Variants in DYNC1H1 observed in about 807,000 individuals in gnomAD.
DYNC1H1 encodes the protein cytoplasmic dynein 1 heavy chain 1.
A neutral mutation model predicts 527.1 loss-of-function variants in DYNC1H1; 51 were observed. The observed-to-expected ratio is 0.10, with a 90% confidence interval of 0.08 to 0.12. The LOEUF (loss-of-function observed/expected upper bound fraction) is 0.12, where lower values mean the gene tolerates loss of function less well. Among genes scored for constraint, DYNC1H1 ranks in the 10% least tolerant of loss-of-function variants. The probability of loss-of-function intolerance (pLI) is 1.00; values close to 1 mark genes in which losing one functional copy is unlikely to be tolerated. For synonymous variants in DYNC1H1, 2,189 were observed against 2,278.8 expected (o/e 0.96, Z 1.12); for missense variants, 2,771 against 5,971.8 (o/e 0.46, Z 17.66).
rs998715175 is a variant in DYNC1H1 at position 101,985,151 on chromosome 14, TC to T, written c.1462-534del. On this transcript the variant is annotated intron_variant, in intron 7 of 77. Transcript: ENST00000360184. The surrounding 1 kb of genome is among the most constrained non-coding windows in gnomAD (Gnocchi z 5.9). ...AGAGCCAGACTTCCTGGGTTTTAAA[TC>T]CTAATTCCATCGTTTACTAGCTCTG... Among the ~76,000 whole-genome samples the T allele has an allele frequency of 2.0e-5, 3 of 152,064 alleles. No homozygotes were observed. Among genetic ancestry groups the T allele is most frequent in the African/African-American group, 4.8e-5 (2 of 41,414 alleles).
At position 102,042,316 on chromosome 14, in the gene DYNC1H1, A is replaced by G. The variant is rs1375943886; in HGVS notation, c.12275+28A>G. The G allele has an allele frequency of 1.2e-6, 2 of 1,614,166 alleles. No individual in the cohort carries two copies. Among genetic ancestry groups the G allele is most frequent in the Non-Finnish European group, 1.7e-6 (2 of 1,180,018 alleles). On this transcript the variant is annotated intron_variant, in intron 67 of 77. Transcript: ENST00000360184. This position sits in a 1 kb window ranked among gnomAD's most constrained non-coding sequence, Gnocchi z 5.7. ...AGGCCTGTTCTCTTTGGCTGAAGAA[A>G]GCCTTAGTCCCCAGGCATTCAGGCA...
chr14:102,033,745 G>C lies in DYNC1H1; in HGVS notation c.10414-231G>C, dbSNP rs2048537345. On this transcript the variant is annotated intron_variant, in intron 54 of 77. Transcript: ENST00000360184. This position sits in a 1 kb window ranked among gnomAD's most constrained non-coding sequence, Gnocchi z 5.6. ...CAGCTCCAGACCTGTTTGCTCTGCT[G>C]CCTGAGGGCCTCGCTCCGTACCCAG... 1 of 678,636 alleles carries C rather than the reference G, an allele frequency of 1.5e-6. No individual in the cohort carries two copies. The highest frequency in any genetic ancestry group is 2.5e-6 in the Non-Finnish European group (1 of 396,908). The allele number at this position is 678,636 out of a possible 1,614,324, so 42.0% of individuals were successfully genotyped here. A position where few individuals can be genotyped will look rare whatever the true frequency, so the allele number is the denominator to read the frequency against.
intron 23 of DYNC1H1, 132 bp downstream of exon 23, chr14:102,003,097 A>G (rs910346971): frequency 6.7e-6 from 8 of 1,198,762 alleles, no homozygotes; most frequent in Admixed American, 2.0e-5. Context: ...CCAATAATAC[A>G]TATAATGATT....
rs1014240654 is a variant in DYNC1H1, at chr14:102,047,637, GTGTGTATATATA to G, written c.13007-178_13007-167del. On this transcript the variant is annotated intron_variant, in intron 72 of 77. Coordinates refer to ENST00000360184, the MANE Select transcript of DYNC1H1 (RefSeq NM_001376.5). ...TATATACACGTGTGTGTGTGTGTGT[GTGTGTATATATA>G]TATATATATATATATGTACACACGG... 45 of 394,272 alleles carry G rather than the reference GTGTGTATATATA, an allele frequency of 1.1e-4. 1 individual carries two copies. The African/African-American group carries it at 1.5e-3, about 13-fold the overall frequency. 24.4% of individuals were successfully genotyped at this position (394,272 alleles called of 1,614,324 possible).
chr14:102,043,237 T>TTG (rs2048674067), intron 69 of DYNC1H1: 1 of 239,520 alleles, frequency 4.2e-6, no homozygotes. Context: ...TGAGCTGAGA[T>TTG]CACATCACTG....
rs751574217 is a variant in DYNC1H1, at chr14:102,005,032, T to C, written c.5239-10T>C. ...ATGATCCTTTGGGATCTTGTTTCTGTGTCTTTCAGGCCCAGCTTGTGGTTT... is the reference window on the plus strand; with the variant it reads ...ATGATCCTTTGGGATCTTGTTTCTGCGTCTTTCAGGCCCAGCTTGTGGTTT... On this transcript the variant is annotated splice_polypyrimidine_tract_variant and intron_variant, in intron 25 of 77. Coordinates refer to ENST00000360184, the MANE Select transcript of DYNC1H1 (RefSeq NM_001376.5). The surrounding 1 kb of genome is among the most constrained non-coding windows in gnomAD (Gnocchi z 4.0). 5.6e-6 allele frequency: 9 copies of C among 1,614,246 alleles called. No individual in the cohort carries two copies. In the East Asian group the frequency reaches 1.8e-4, roughly 32 times the overall value.
At position 102,041,672 on chromosome 14, in the gene DYNC1H1, G is replaced by C. The variant is rs780863505; in HGVS notation, c.12040G>C (p.Gly4014Arg). ...CCACATGTTTGTTTCAACAAACCTT[G>C]GGGAGTCTTTCATGTCCATCATGGA... ...MAHMFVSTNLGESFMSIMEQP... is the reference protein window; with the variant it reads ...MAHMFVSTNLRESFMSIMEQP... The change falls in exon 65 of 78, where the codon GGG becomes CGG. Residue 4014 changes from glycine to arginine, a missense_variant. Transcript: ENST00000360184. This position sits in a 1 kb window ranked among gnomAD's most constrained non-coding sequence, Gnocchi z 4.5. The C allele has an allele frequency of 2.5e-6, 4 of 1,614,046 alleles. No individual in the cohort carries two copies. The highest frequency in any genetic ancestry group is 1.7e-5 in the Admixed American group (1 of 60,012).
Position 101,980,705 on chromosome 14 carries a change from T to TC in DYNC1H1, c.961+157dup, listed in dbSNP as rs575061349. Among the ~76,000 whole-genome samples, 33 of 152,338 alleles carry TC rather than the reference T, an allele frequency of 2.2e-4. No homozygotes were observed. In the East Asian group the frequency reaches 6.2e-3, roughly 28 times the overall value. On this transcript the variant is annotated intron_variant, in intron 5 of 77. Coordinates refer to ENST00000360184, the MANE Select transcript of DYNC1H1 (RefSeq NM_001376.5). Reference sequence around the variant, plus strand: ...CATCACATCTTATCTTTCCCTCAGTTCCAAGTAATGAAAATTATTCTCCTA... The same window carrying TC: ...CATCACATCTTATCTTTCCCTCAGTTCCCAAGTAATGAAAATTATTCTCCTA...
intron 10 of DYNC1H1, among the ~76,000 whole-genome samples, chr14:101,990,623 C>T (rs2047985735): frequency 6.6e-6 from 1 of 152,126 alleles, no homozygotes; most frequent in Non-Finnish European, 1.5e-5. Flanking sequence ...CCCTGTAATC[C>T]CAGCACTTTG....
chr14:102,029,982 C>CA lies in DYNC1H1; in HGVS notation c.9762+45dup. On this transcript the variant is annotated intron_variant, in intron 50 of 77. Coordinates refer to ENST00000360184, the MANE Select transcript of DYNC1H1 (RefSeq NM_001376.5). This position sits in a 1 kb window ranked among gnomAD's most constrained non-coding sequence, Gnocchi z 5.3. Reference sequence around the variant, plus strand: ...CTGGCCTGTAAGGACTGAGCATTTTCAGTCTCCAATGAGAGAGTAGGAAAT... The same window carrying CA: ...CTGGCCTGTAAGGACTGAGCATTTTCAAGTCTCCAATGAGAGAGTAGGAAAT... 1 of 1,613,742 alleles carries CA rather than the reference C, an allele frequency of 6.2e-7. No individual in the cohort carries two copies. The highest frequency in any genetic ancestry group is 8.5e-7 in the Non-Finnish European group (1 of 1,179,984).
In DYNC1H1 at chr14:101,979,663, G is replaced by C. The variant is rs1016481549; in HGVS notation, c.519-56G>C. ...CTATTTGACAGACCTGAAATGATGG[G>C]ATCTCTTTGGAGACCAATAGCACAC... On this transcript the variant is annotated intron_variant, in intron 3 of 77. Coordinates refer to ENST00000360184, the MANE Select transcript of DYNC1H1 (RefSeq NM_001376.5). The surrounding 1 kb of genome is among the most constrained non-coding windows in gnomAD (Gnocchi z 4.6). The C allele has an allele frequency of 6.2e-7, 1 of 1,612,244 alleles. No individual in the cohort carries two copies. Among genetic ancestry groups the C allele is most frequent in the Non-Finnish European group, 8.5e-7 (1 of 1,179,780 alleles).
At position 102,042,099 on chromosome 14, in the gene DYNC1H1, C is replaced by T. The variant is rs1247191267; in HGVS notation, c.12189C>T (p.Asn4063=). Residue 4063 remains asparagine, a synonymous_variant, in exon 66 of 78, where the codon AAC becomes AAT. Coordinates refer to ENST00000360184, the MANE Select transcript of DYNC1H1 (RefSeq NM_001376.5). The surrounding 1 kb of genome is among the most constrained non-coding windows in gnomAD (Gnocchi z 5.7). The stretch of plus-strand genomic sequence containing the variant: ...TCGAGGACCTTGCAGCCGAGCAGAA[C>T]ACGCAGATCACTTCAATTGCAATCG... ...GHVEDLAAEQ[N]TQITSIAIGS... is the part of the protein sequence containing the mutation. 4.3e-6 allele frequency: 7 copies of T among 1,614,008 alleles called. No homozygotes were observed. In the South Asian group the frequency reaches 5.5e-5, roughly 13 times the overall value.
At chr14:102,014,680 G>A (rs536032023) in intron 34 of DYNC1H1, among the ~76,000 whole-genome samples, 1 of 152,204 alleles carries the variant, frequency 6.6e-6, no homozygotes, top group Non-Finnish European at 1.5e-5. Flanking sequence ...CTCAAGAACA[G>A]TGGGAAACCT....
Position 102,039,627 on chromosome 14 carries a change from T to A in DYNC1H1, c.11596-11T>A. 1 of 1,614,122 alleles carries A rather than the reference T, an allele frequency of 6.2e-7. No homozygotes were observed. The highest frequency in any genetic ancestry group is 1.1e-5 in the South Asian group (1 of 91,084). ...CTTATGGAACAACATCGTCTCCTGC[T>A]CTTGTCCCAGGTGGCGTTTAACCGA... On this transcript the variant is annotated splice_polypyrimidine_tract_variant and intron_variant, in intron 61 of 77. Transcript: ENST00000360184. This position sits in a 1 kb window ranked among gnomAD's most constrained non-coding sequence, Gnocchi z 7.0.
chr14:102,053,141 CTTT>C lies in DYNC1H1; in HGVS notation c.*2593_*2595del, dbSNP rs34327327. 2 of 134,870 alleles carry C rather than the reference CTTT, an allele frequency of 1.5e-5. No individual in the cohort carries two copies. The highest frequency in any genetic ancestry group is 1.6e-5 in the Non-Finnish European group (1 of 63,588). The allele number at this position is 134,870 out of a possible 1,614,324, so 8.4% of individuals were successfully genotyped here. On this transcript the variant is annotated 3_prime_UTR_variant, in exon 78 of 78. Transcript: ENST00000360184. ...CTGCCTTGCAAATGAATTTTTCTTTCTTTTTTTTTTTTTTTTTGAGACGGAATC... is the reference window on the plus strand; with the variant it reads ...CTGCCTTGCAAATGAATTTTTCTTTCTTTTTTTTTTTTTTGAGACGGAATC...
At chr14:102,047,639 G>GATATATA (rs1555412506) in intron 72 of DYNC1H1, 178 bp from the exon 73 acceptor site, 1 of 346,204 alleles carries the variant, frequency 2.9e-6, no homozygotes, top group Non-Finnish European at 4.8e-6. Flanking sequence ...GTGTGTGTGT[G>GATATATA]TGTATATATA....
chr14:102,044,571 T>C lies in DYNC1H1; in HGVS notation c.12903-24T>C. ...CACTCAGAGGTGACCCCTGACATCA[T>C]TTCCAAATGCACTGGTTTTCTAGGC... On this transcript the variant is annotated intron_variant, in intron 71 of 77. Transcript: ENST00000360184. The surrounding 1 kb of genome is among the most constrained non-coding windows in gnomAD (Gnocchi z 7.1). 1 of 1,614,172 alleles carries C rather than the reference T, an allele frequency of 6.2e-7. No homozygotes were observed. Among genetic ancestry groups the C allele is most frequent in the South Asian group, 1.1e-5 (1 of 91,084 alleles).
chr14:101,967,479 C>T (rs1206821001), intron 1 of DYNC1H1, among the ~76,000 whole-genome samples: 2 of 152,192 alleles, frequency 1.3e-5, no homozygotes, highest in South Asian at 2.1e-4. Context: ...TTATGTGAAA[C>T]TATATATATT....
At chr14:101,982,013 T>C (rs1362081119) in intron 5 of DYNC1H1, among the ~76,000 whole-genome samples, 2 of 152,212 alleles carry the variant, frequency 1.3e-5, no homozygotes, top group Non-Finnish European at 2.9e-5. Flanking sequence ...CCGCGGCCTG[T>C]TGGGAACCAG....
Sources: allele counts gnomAD v4.1 joint callset (sites outside exome capture counted in the v4.1 genomes callset), GRCh38; gene constraint gnomAD v4.1.1; non-coding constraint Gnocchi (gnomAD v3.1); transcripts MANE v1.5; gene names NCBI Gene and HGNC (gene_info 2026-07-23, HGNC 2026-07-21).